Variants in OR56B2 observed in about 807,000 individuals in gnomAD.
OR56B2 encodes the protein olfactory receptor 56B2.
At chr11:5,768,544 T>C in the OR56B2 span, among the ~76,000 whole-genome samples, 1 of 139,932 alleles carries the variant, frequency 7.1e-6, no homozygotes, top group Non-Finnish European at 1.6e-5. Context: ...AGTGTAATTA[T>C]TTTAAATGCA....
the OR56B2 span, chr11:5,761,234 A>G: frequency 0.17 from 25,707 of 152,094 alleles, 2,313 homozygotes; most frequent in East Asian, 0.24. Context: ...TTCACAGGAC[A>G]CCACAGTAAG....
chr11:5,766,852 T>C, the OR56B2 span: 1 of 139,770 alleles, frequency 7.2e-6, no homozygotes, highest in Non-Finnish European at 1.6e-5. Context: ...GCCATTAACA[T>C]ATGACCCAGG....
the OR56B2 span, chr11:5,766,113 T>C: frequency 7.1e-6 from 1 of 140,470 alleles, no homozygotes. Context: ...TTTTATATCA[T>C]ATTCTCCAAC....
At chr11:5,762,228 G>C in the OR56B2 span, among the ~76,000 whole-genome samples, 3 of 151,266 alleles carry the variant, frequency 2.0e-5, no homozygotes, top group Non-Finnish European at 4.4e-5. Context: ...CTAATCTATT[G>C]AACAGTGGAC....
the OR56B2 span, among the ~76,000 whole-genome samples, chr11:5,763,105 T>A: frequency 4.6e-5 from 7 of 152,104 alleles, no homozygotes; most frequent in African/African-American, 1.7e-4. Flanking sequence ...GTAACCTGAG[T>A]CTCTTTTTTA....
the OR56B2 span, among the ~76,000 whole-genome samples, chr11:5,768,232 C>T: frequency 8.7e-5 from 12 of 137,622 alleles, 2 homozygotes; most frequent in Admixed American, 7.6e-4. Flanking sequence ...ATCTGCCCAT[C>T]CCCCAAATCT....
At chr11:5,768,612 T>C in the OR56B2 span, among the ~76,000 whole-genome samples, 1 of 139,926 alleles carries the variant, frequency 7.1e-6, no homozygotes, top group African/African-American at 2.6e-5. Context: ...ATGGTAGTTC[T>C]AGTTTTAGTT....
chr11:5,764,665 C>T, the OR56B2 span, among the ~76,000 whole-genome samples: 36 of 138,962 alleles, frequency 2.6e-4, 3 homozygotes, highest in African/African-American at 9.2e-4. Context: ...AATATCTTAC[C>T]TAAAAGGCCT....
chr11:5,768,363 C>T, the OR56B2 span, among the ~76,000 whole-genome samples: 56 of 139,986 alleles, frequency 4.0e-4, 9 homozygotes, highest in African/African-American at 1.5e-3. Context: ...AAAATAATGG[C>T]CTCATAATCT....
At chr11:5,768,141 A>G in the OR56B2 span, among the ~76,000 whole-genome samples, 1 of 138,370 alleles carries the variant, frequency 7.2e-6, no homozygotes, top group East Asian at 2.1e-4. Context: ...CTGGGCTTGT[A>G]GTGTACCCAC....
chr11:5,766,459 C>A, the OR56B2 span: 1 of 140,052 alleles, frequency 7.1e-6, no homozygotes, highest in African/African-American at 2.6e-5. Context: ...ATAGGAGATA[C>A]TTCTGCATTT....
the OR56B2 span, among the ~76,000 whole-genome samples, chr11:5,767,743 C>T: frequency 7.2e-6 from 1 of 139,290 alleles, no homozygotes; most frequent in Admixed American, 7.4e-5. Context: ...ATGAAGTACT[C>T]GTACAATCTG....
chr11:5,763,752 C>T, the OR56B2 span, among the ~76,000 whole-genome samples: 1 of 140,580 alleles, frequency 7.1e-6, no homozygotes, highest in East Asian at 2.1e-4. Flanking sequence ...AAGTGTCTGT[C>T]TCTTGGGGAA....
chr11:5,767,589 T>C, the OR56B2 span: 4 of 139,458 alleles, frequency 2.9e-5, no homozygotes, highest in African/African-American at 7.9e-5. Context: ...CAAATATATA[T>C]AGAATAAAAC....
At chr11:5,764,681 C>A in the OR56B2 span, among the ~76,000 whole-genome samples, 1 of 139,550 alleles carries the variant, frequency 7.2e-6, no homozygotes, top group African/African-American at 2.6e-5. Context: ...GGCCTCCATG[C>A]ATAAAAAACC....
At chr11:5,768,880 T>G in the OR56B2 span, among the ~76,000 whole-genome samples, 1 of 138,662 alleles carries the variant, frequency 7.2e-6, no homozygotes, top group Non-Finnish European at 1.6e-5. Context: ...CTGAAAATGA[T>G]AGAATTTTTG....
the OR56B2 span, among the ~76,000 whole-genome samples, chr11:5,764,032 G>A: frequency 7.1e-5 from 10 of 140,454 alleles, 2 homozygotes; most frequent in Admixed American, 1.5e-4. Context: ...CTCCTCTGTA[G>A]ACTCTATAAT....
chr11:5,761,670 C>T, the OR56B2 span, among the ~76,000 whole-genome samples: 1 of 152,118 alleles, frequency 6.6e-6, no homozygotes, highest in Admixed American at 6.6e-5. Context: ...TATTCCTGCA[C>T]ATGTCTTTCT....
chr11:5,768,525 A>G, the OR56B2 span, among the ~76,000 whole-genome samples: 13 of 139,498 alleles, frequency 9.3e-5, 1 homozygote, highest in Non-Finnish European at 1.7e-4. Flanking sequence ...ACTAGTGCCA[A>G]TATTTTTAAG....
Sources: gnomAD v4.1 joint callset for allele counts (sites outside exome capture counted in the v4.1 genomes callset) on GRCh38, gnomAD v4.1.1 for gene constraint, MANE v1.5 for transcripts, NCBI Gene and HGNC (gene_info 2026-07-23, HGNC 2026-07-21) for gene names.